Variants in MYBPC1 observed in about 807,000 individuals in gnomAD.
MYBPC1 encodes the protein myosin binding protein C1, also known as myosin-binding protein C, slow-type.
In MYBPC1, 52 loss-of-function variants were observed where a neutral mutation model predicts 147.1. The observed-to-expected ratio is 0.35, with a 90% CI of 0.28 to 0.45. MYBPC1 has a LOEUF of 0.45. MYBPC1 is among the 20% of genes least tolerant of loss of function. The pLI, the probability that MYBPC1 is intolerant of heterozygous loss-of-function variation, is 1.00. For synonymous variants in MYBPC1, 477 were observed against 475.9 expected (o/e 1.00, Z -0.03); for missense variants, 1,228 against 1,440.3 (o/e 0.85, Z 2.39).
chr12:101,626,831 G>A (rs1473408210), intron 3 of MYBPC1, 41 bp from the exon 4 acceptor site: 3 of 1,543,128 alleles, frequency 1.9e-6, no homozygotes, highest in South Asian at 1.1e-5. Context: ...TTGGGATGAA[G>A]TCTTTTCTCC....
At chr12:101,652,653 A>G in intron 16 of MYBPC1, 25 bp from the exon 17 acceptor site, 1 of 1,528,712 alleles carries the variant, frequency 6.5e-7, no homozygotes, top group Non-Finnish European at 9.1e-7. Flanking sequence ...GGAGTCTTAG[A>G]AATACATTTT....
At chr12:101,692,986 G>A in the MYBPC1 span, among the ~76,000 whole-genome samples, 13 of 128,464 alleles carry the variant, frequency 1.0e-4, no homozygotes, top group South Asian at 2.2e-3. Flanking sequence ...TTGCTCTGTC[G>A]CCCAGGCTAG....
At chr12:101,637,580 G>A (rs532576948) in intron 10 of MYBPC1, among the ~76,000 whole-genome samples, 3 of 152,114 alleles carry the variant, frequency 2.0e-5, no homozygotes, top group East Asian at 3.9e-4. Flanking sequence ...AATAAACAGA[G>A]TAAAACTATA....
At chr12:101,688,244 C>A (rs1260575218), downstream of MYBPC1, among the ~76,000 whole-genome samples, 3 of 151,956 alleles carry the variant, frequency 2.0e-5, no homozygotes, top group Non-Finnish European at 1.5e-5. Flanking sequence ...CATGGTGAAG[C>A]CTTGTCTCTA....
In MYBPC1 at chr12:101,607,273, C is replaced by G. The variant is rs184167411; in HGVS notation, c.26-7223C>G. 3.5e-3 allele frequency among the ~76,000 whole-genome samples: 531 copies of G among 152,154 alleles called. 1 individual carries two copies. The highest frequency in any genetic ancestry group is 4.7e-3 in the Non-Finnish European group (319 of 68,006). The stretch of plus-strand genomic sequence containing the variant: ...AGTATGCATATTGTGTCAGACCCCA[C>G]CATCAAGAGGGGAGACACCTGATAG... On this transcript the variant is annotated intron_variant, in intron 1 of 31. Transcript: ENST00000361466.
At chr12:101,642,363 G>C in intron 10 of MYBPC1, 56 bp from the exon 11 acceptor site, 1 of 1,578,038 alleles carries the variant, frequency 6.3e-7, no homozygotes, top group Non-Finnish European at 8.7e-7. Flanking sequence ...CTCGACCTTC[G>C]TGGTCTCTAA....
intron 23 of MYBPC1, among the ~76,000 whole-genome samples, chr12:101,669,006 G>A (rs1026933384): frequency 1.3e-5 from 2 of 152,078 alleles, no homozygotes; most frequent in Non-Finnish European, 2.9e-5. Context: ...AGAATCACTT[G>A]AACCCAGGAG....
At chr12:101,683,752 T>C (rs542233296) in intron 30 of MYBPC1, among the ~76,000 whole-genome samples, 6 of 152,000 alleles carry the variant, frequency 3.9e-5, no homozygotes, top group African/African-American at 7.3e-5. Context: ...ACAATATTTG[T>C]TTTGTGAGTT....
In MYBPC1 at chr12:101,637,024, A is replaced by G. The variant is rs1891131186; in HGVS notation, c.665+296A>G. ...AAACTGAGACATAAGACAAATACCT[A>G]GAAACCTCTAAGACTGCACATATGA... On this transcript the variant is annotated intron_variant, in intron 10 of 31. Transcript: ENST00000361466. 2.3e-4 allele frequency: 29 copies of G among 125,614 alleles called. 1 individual carries two copies. The highest frequency in any genetic ancestry group is 2.1e-3 in the South Asian group (29 of 13,612). 7.8% of individuals were successfully genotyped at this position (125,614 alleles called of 1,614,324 possible).
At chr12:101,692,274 T>C in the MYBPC1 span, among the ~76,000 whole-genome samples, 8 of 152,180 alleles carry the variant, frequency 5.3e-5, no homozygotes, top group Non-Finnish European at 1.0e-4. Flanking sequence ...TTAGTAAATT[T>C]AGTACAATAA....
chr12:101,692,318 G>A, the MYBPC1 span, among the ~76,000 whole-genome samples: 2 of 152,124 alleles, frequency 1.3e-5, no homozygotes, highest in Admixed American at 6.5e-5. Flanking sequence ...GACTGGAATG[G>A]CACAAAACCA....
At chr12:101,627,857 A>C in intron 5 of MYBPC1, 53 bp downstream of exon 5, 1 of 1,547,302 alleles carries the variant, frequency 6.5e-7, no homozygotes. Flanking sequence ...ACAATCACTA[A>C]TGAGCTCATT....
At chr12:101,689,545 A>G (rs1276140703), downstream of MYBPC1, among the ~76,000 whole-genome samples, 1 of 152,068 alleles carries the variant, frequency 6.6e-6, no homozygotes, top group Non-Finnish European at 1.5e-5. Flanking sequence ...AGGGTTCTTC[A>G]GAGGAACAGC....
chr12:101,647,073 C>T, intron 13 of MYBPC1, 186 bp downstream of exon 13: 5 of 699,994 alleles, frequency 7.1e-6, no homozygotes, highest in African/African-American at 1.8e-5. Context: ...AGTACAAATG[C>T]CTCATGTTTT....
chr12:101,683,250 C>T (rs1951134529), intron 30 of MYBPC1, among the ~76,000 whole-genome samples: 1 of 151,910 alleles, frequency 6.6e-6, no homozygotes, highest in Non-Finnish European at 1.5e-5. Flanking sequence ...GGCAACATGG[C>T]AAACTCCCAT....
chr12:101,668,662 A>T (rs1371194561), intron 23 of MYBPC1, among the ~76,000 whole-genome samples: 3 of 151,998 alleles, frequency 2.0e-5, no homozygotes, highest in African/African-American at 7.2e-5. Context: ...ACAGGGTTTC[A>T]CCATGTTGGT....
Position 101,685,801 on chromosome 12 carries a change from A to C in MYBPC1, c.*239A>C. The C allele has an allele frequency of 1.7e-6, 1 of 586,156 alleles. No individual in the cohort carries two copies. The highest frequency in any genetic ancestry group is 2.7e-6 in the Non-Finnish European group (1 of 373,916). The allele number at this position is 586,156 out of a possible 1,614,324, so 36.3% of individuals were successfully genotyped here. On this transcript the variant is annotated 3_prime_UTR_variant, in exon 32 of 32. Transcript: ENST00000361466. ...AGTGTGGTCTTTTTCTTTCCTCCTA[A>C]TGTTGAAGAGAAAAAAAAAAAAAAA...
chr12:101,642,797 T>G (rs1261601966), intron 11 of MYBPC1, among the ~76,000 whole-genome samples: 1 of 152,134 alleles, frequency 6.6e-6, no homozygotes, highest in Non-Finnish European at 1.5e-5. Flanking sequence ...TAGAATGGAA[T>G]AGTACATTAC....
chr12:101,684,184 TC>T (rs1402561935), intron 30 of MYBPC1, among the ~76,000 whole-genome samples, 197 bp from the exon 31 acceptor site: 1 of 152,154 alleles, frequency 6.6e-6, no homozygotes, highest in African/African-American at 2.4e-5. Context: ...ATATTAATGA[TC>T]CTTTTGACGT....
Sources: allele counts gnomAD v4.1 joint callset (sites outside exome capture counted in the v4.1 genomes callset), GRCh38; gene constraint gnomAD v4.1.1; transcripts MANE v1.5; gene names NCBI Gene and HGNC (gene_info 2026-07-23, HGNC 2026-07-21).